Variants in MAST3 observed in about 807,000 individuals in gnomAD.
MAST3 encodes microtubule associated serine/threonine kinase 3.
A neutral mutation model predicts 127.0 loss-of-function variants in MAST3; 43 were observed. The ratio of observed to expected loss-of-function variants is 0.34; its 90% CI spans 0.27 to 0.44. MAST3 has a LOEUF of 0.44. Among genes scored for constraint, MAST3 ranks in the 20% least tolerant of loss-of-function variants. The probability of loss-of-function intolerance (pLI) is 1.00; values close to 1 mark genes in which losing one functional copy is unlikely to be tolerated. For missense variants in MAST3, 1,390 were observed against 1,919.1 expected (o/e 0.72, Z 5.15); for synonymous variants, 785 against 809.2 (o/e 0.97, Z 0.51).
At chr19:18,101,882 CTTTTTTTTTTT>C (rs760652186) in intron 1 of MAST3, among the ~76,000 whole-genome samples, 1 of 69,344 alleles carries the variant, frequency 1.4e-5, no homozygotes, top group Non-Finnish European at 2.6e-5. Context: ...GCCTCAAACT[CTTTTTTTTTTT>C]TTTTTTTTTT....
intron 11 of MAST3, among the ~76,000 whole-genome samples, chr19:18,125,119 A>G (rs2040458753): frequency 6.6e-6 from 1 of 151,828 alleles, no homozygotes; most frequent in Admixed American, 6.6e-5. Flanking sequence ...AAAAACAAAA[A>G]AAGAAAGGGC....
intron 3 of MAST3, chr19:18,118,063 G>GC: frequency 5.1e-6 from 5 of 982,118 alleles, no homozygotes; most frequent in Non-Finnish European, 6.0e-6. Context: ...AGCCCCGTGC[G>GC]CCCCCCTCCC....
In MAST3 at chr19:18,113,316, G is replaced by A. The variant is rs565912300; in HGVS notation, c.161+2575G>A. 2.6e-5 allele frequency among the ~76,000 whole-genome samples: 4 copies of A among 151,634 alleles called. No homozygotes were observed. The East Asian group carries it at 5.8e-4, about 22-fold the overall frequency. Reference sequence around the variant, plus strand: ...TCCTTTTTTTTTTTGAGACAGTCTCGCTTTGTTGCCCAGGCTGGGGTGCAG... The same window carrying A: ...TCCTTTTTTTTTTTGAGACAGTCTCACTTTGTTGCCCAGGCTGGGGTGCAG... On this transcript the variant is annotated intron_variant, in intron 3 of 27. Transcript: ENST00000687212.
chr19:18,135,002 C>A lies in MAST3; in HGVS notation c.1870+20C>A, dbSNP rs2041737561. ...TCAGCGGTGCGTTTCCTCCACGGGC[C>A]TGGGTTTGAGCTGCAGCCCCACCAG... On this transcript the variant is annotated intron_variant, in intron 17 of 27. Coordinates refer to ENST00000687212, the MANE Select transcript of MAST3 (RefSeq NM_001393504.1). 5.7e-6 allele frequency: 9 copies of A among 1,578,728 alleles called. No individual in the cohort carries two copies. The highest frequency in any genetic ancestry group is 7.8e-6 in the Non-Finnish European group (9 of 1,158,110).
rs942590760 is a variant in MAST3, at chr19:18,128,891, G to A, written c.1163G>A (p.Arg388Gln). The change falls in exon 13 of 28, where the codon CGG (arginine) becomes CAG (glutamine). Residue 388 changes from arginine to glutamine, a missense_variant. Coordinates refer to ENST00000687212, the MANE Select transcript of MAST3 (RefSeq NM_001393504.1). ...PESRALVGQS[R>Q]RKPCESDFET... ...AGCCGCGCCCTGGTCGGCCAGTCAC[G>A]GAGGAAGCCATGCGAAAGCGACTTT... is the stretch of plus-strand genomic sequence containing the variant. 3.1e-6 allele frequency: 5 copies of A among 1,613,718 alleles called. No homozygotes were observed. The highest frequency in any genetic ancestry group is 2.7e-5 in the African/African-American group (2 of 74,930).
chr19:18,099,616 A>T (rs1362352507), intron 1 of MAST3, among the ~76,000 whole-genome samples: 1 of 152,186 alleles, frequency 6.6e-6, no homozygotes, highest in Non-Finnish European at 1.5e-5. Context: ...ACAGAGTCAG[A>T]CAGGATTTGA....
Position 18,149,995 on chromosome 19 carries a change from T to A in MAST3, c.*269T>A. ...TATTACTTTTTTTTTCTTTTTTTTT[T>A]TTTTTTTTTGAGACAGAGTCTCACT... On this transcript the variant is annotated 3_prime_UTR_variant, in exon 28 of 28. Coordinates refer to ENST00000687212, the MANE Select transcript of MAST3 (RefSeq NM_001393504.1). This position sits in a 1 kb window ranked among gnomAD's most constrained non-coding sequence, Gnocchi z 5.9. 2.7e-6 allele frequency: 1 copy of A among 370,252 alleles called. No homozygotes were observed. The highest frequency in any genetic ancestry group is 4.9e-6 in the Non-Finnish European group (1 of 203,218). The allele number at this position is 370,252 out of a possible 1,614,324, so 22.9% of individuals were successfully genotyped here.
chr19:18,138,928 C>A, intron 19 of MAST3, 87 bp from the exon 20 acceptor site: 2 of 892,332 alleles, frequency 2.2e-6, no homozygotes, highest in South Asian at 1.5e-5. Flanking sequence ...GTGACCCTAT[C>A]CTGAGATGCC....
At chr19:18,128,774 G>C (rs991758970) in intron 12 of MAST3, 92 bp from the exon 13 acceptor site, 2 of 984,642 alleles carry the variant, frequency 2.0e-6, no homozygotes, top group Non-Finnish European at 3.2e-6. Context: ...AGGTAGCATC[G>C]GGCACCAGGA....
chr19:18,121,558 G>A (rs2039981771), intron 3 of MAST3, 127 bp from the exon 4 acceptor site: 1 of 797,584 alleles, frequency 1.3e-6, no homozygotes, highest in Non-Finnish European at 2.1e-6. Flanking sequence ...TGGGGGCAGA[G>A]TGGGAGTGGC....
In MAST3 at chr19:18,143,963, C is replaced by T. The variant is rs201077167; in HGVS notation, c.2540C>T (p.Pro847Leu). Reference sequence around the variant, plus strand: ...TTCATTCTAGGGGAGCCTGACCCCCCACCAGCGGCCACCCCAGTGATGCCC... The same window carrying T: ...TTCATTCTAGGGGAGCCTGACCCCCTACCAGCGGCCACCCCAGTGATGCCC... ...PVFILGEPDP[P>L]PAATPVMPKP... is the part of the protein sequence containing the mutation. Residue 847 changes from proline (P) to leucine (L), a missense_variant, in exon 22 of 28, where the codon CCA becomes CTA. By Grantham distance (98) the Pro-to-Leu change is moderately conservative (BLOSUM62 -3). This residue lies in a region of MAST3 where 816 missense variants were observed against 934.1 expected (regional missense o/e 0.87). Coordinates refer to ENST00000687212, the MANE Select transcript of MAST3 (RefSeq NM_001393504.1). 5 of 1,593,730 alleles carry T rather than the reference C, an allele frequency of 3.1e-6. No homozygotes were observed. Among genetic ancestry groups the T allele is most frequent in the Admixed American group, 1.8e-5 (1 of 56,174 alleles).
At chr19:18,143,576 T>TA (rs571620914) in intron 21 of MAST3, among the ~76,000 whole-genome samples, 187 bp from the exon 22 acceptor site, 2 of 150,710 alleles carry the variant, frequency 1.3e-5, no homozygotes, top group African/African-American at 4.9e-5. Flanking sequence ...ACCCTGTCTT[T>TA]AAAAAAAAAG....
Position 18,145,325 on chromosome 19 carries a change from T to C in MAST3, c.3039+96T>C. 1 of 1,219,954 alleles carries C rather than the reference T, an allele frequency of 8.2e-7. No homozygotes were observed. The highest frequency in any genetic ancestry group is 1.2e-6 in the Non-Finnish European group (1 of 838,176). 75.6% of individuals were successfully genotyped at this position (1,219,954 alleles called of 1,614,324 possible). A position where few individuals can be genotyped will look rare whatever the true frequency, so the allele number is the denominator to read the frequency against. The stretch of plus-strand genomic sequence containing the variant: ...AGCTGCATTTTGGAGCCTGGCAGGG[T>C]TAGGTAGATAGAGCTGGTGCCACCG... On this transcript the variant is annotated intron_variant, in intron 24 of 27. Transcript: ENST00000687212. This position sits in a 1 kb window ranked among gnomAD's most constrained non-coding sequence, Gnocchi z 5.9.
At chr19:18,141,117 C>T (rs537917038) in intron 20 of MAST3, among the ~76,000 whole-genome samples, 14 of 152,158 alleles carry the variant, frequency 9.2e-5, no homozygotes, top group African/African-American at 2.6e-4. Context: ...TATAACCTCA[C>T]GAGCTTAACT....
At position 18,139,049 on chromosome 19, in the gene MAST3, GGAC is replaced by G. The variant is rs754847973; in HGVS notation, c.2136_2138del (p.Asp712del). ...AACGTTACCGCCATCTGGGCTCCGA[GGAC>G]GACGAGACCAATGATGAAGAATCGT... On this transcript the variant is annotated inframe_deletion, in exon 20 of 28. Transcript: ENST00000687212. 2.5e-6 allele frequency: 4 copies of G among 1,600,654 alleles called. No homozygotes were observed. Among genetic ancestry groups the G allele is most frequent in the African/African-American group, 1.3e-5 (1 of 74,592 alleles).
Position 18,139,139 on chromosome 19 carries a change from C to T in MAST3, c.2205+15C>T, listed in dbSNP as rs189738248. Reference sequence around the variant, plus strand: ...GGTTCAGCAAGGTGGGCCCGGGTCCCGAGGGGAGCCACTGCTCAGAAAACA... The same window carrying T: ...GGTTCAGCAAGGTGGGCCCGGGTCCTGAGGGGAGCCACTGCTCAGAAAACA... On this transcript the variant is annotated intron_variant, in intron 20 of 27. Transcript: ENST00000687212. 21 of 1,542,956 alleles carry T rather than the reference C, an allele frequency of 1.4e-5. No individual in the cohort carries two copies. The highest frequency in any genetic ancestry group is 1.3e-4 in the South Asian group (11 of 85,680).
chr19:18,109,734 G>T (rs1312489204), intron 2 of MAST3, among the ~76,000 whole-genome samples: 1 of 152,204 alleles, frequency 6.6e-6, no homozygotes, highest in Non-Finnish European at 1.5e-5. Flanking sequence ...GGAAACAGCT[G>T]GAAGCCAGGG....
Position 18,149,324 on chromosome 19 carries a change from C to T in MAST3, c.3642C>T (p.Gly1214=). 6.5e-7 allele frequency: 1 copy of T among 1,526,888 alleles called. No individual in the cohort carries two copies. The highest frequency in any genetic ancestry group is 2.7e-5 in the East Asian group (1 of 37,716). 94.6% of individuals were successfully genotyped at this position (1,526,888 alleles called of 1,614,324 possible). The part of the protein sequence containing the change: ...AKLGPPRPKT[G]RRKSTSSIPP... The stretch of plus-strand genomic sequence containing the variant: ...TTGGGCCACCCCGCCCCAAGACTGG[C>T]CGCCGCAAGTCCACCAGCAGCATCC... The change falls in exon 28 of 28, where the codon GGC becomes GGT. Residue 1214 remains glycine, a synonymous_variant. Coordinates refer to ENST00000687212, the MANE Select transcript of MAST3 (RefSeq NM_001393504.1). The surrounding 1 kb of genome is among the most constrained non-coding windows in gnomAD (Gnocchi z 5.9).
chr19:18,148,837 A>C (rs1461184260), intron 27 of MAST3, among the ~76,000 whole-genome samples: 1 of 151,810 alleles, frequency 6.6e-6, no homozygotes, highest in African/African-American at 2.4e-5. Flanking sequence ...TGGGAGGTGA[A>C]GGTTGCAGTG....
Sources: gnomAD v4.1 joint callset for allele counts (sites outside exome capture counted in the v4.1 genomes callset) on GRCh38, gnomAD v4.1.1 for gene constraint, gnomAD v4.1.1 regional missense constraint, Gnocchi (gnomAD v3.1) non-coding constraint, MANE v1.5 for transcripts, NCBI Gene and HGNC (gene_info 2026-07-23, HGNC 2026-07-21) for gene names.